DNM1: variants seen among roughly 807,000 people sequenced by gnomAD.
The protein encoded by DNM1 is dynamin-1.
In DNM1, 29 loss-of-function variants were observed where a neutral mutation model predicts 104.6. That is an observed-to-expected ratio of 0.28 (90% CI 0.21 to 0.38). The LOEUF is 0.38. Among genes scored for constraint, DNM1 ranks in the 10% least tolerant of loss-of-function variants. The pLI is 1.00. For missense variants in DNM1, 640 were observed against 1,189.4 expected, an observed-to-expected ratio of 0.54 and a Z score of 6.79; for synonymous variants, 445 against 475.8, an observed-to-expected ratio of 0.94 and a Z score of 0.84.
In DNM1 at chr9:128,224,204, G is replaced by C. The variant is rs201706880; in HGVS notation, c.1197-47G>C. 8 of 1,579,716 alleles carry C rather than the reference G, an allele frequency of 5.1e-6. No homozygotes were observed. Among genetic ancestry groups the C allele is most frequent in the South Asian group, 3.5e-5 (3 of 85,102 alleles). On this transcript the variant is annotated intron_variant, in intron 9 of 21. Coordinates refer to ENST00000372923, the MANE Select transcript of DNM1 (RefSeq NM_004408.4). This position sits in a 1 kb window ranked among gnomAD's most constrained non-coding sequence, Gnocchi z 4.3. ...GAGCCTCGGCCTGGCCCTCCTGGCC[G>C]GCACTGGCCTGTGACACTCTGCCCT...
intron 15 of DNM1, among the ~76,000 whole-genome samples, 197 bp downstream of exon 15, chr9:128,242,542 C>T (rs1166676118): frequency 6.6e-6 from 1 of 152,096 alleles, no homozygotes; most frequent in East Asian, 1.9e-4. Context: ...GGTGGATCAC[C>T]TGCGGTCAGG....
chr9:128,242,884 G>A (rs924945241), intron 15 of DNM1, among the ~76,000 whole-genome samples: 1 of 151,940 alleles, frequency 6.6e-6, no homozygotes, highest in African/African-American at 2.4e-5. Flanking sequence ...GGACTGAGGA[G>A]CCTGGGGCTA....
chr9:128,246,163 C>T lies in DNM1; in HGVS notation c.1672-231C>T, dbSNP rs150315228. Reference sequence around the variant, plus strand: ...CCACTCTCAGCCTCCCCACCCCTCACCAGCCCCCTGGCCCCCGGCATATAT... The same window carrying T: ...CCACTCTCAGCCTCCCCACCCCTCATCAGCCCCCTGGCCCCCGGCATATAT... On this transcript the variant is annotated intron_variant, in intron 15 of 21. Coordinates refer to ENST00000372923, the MANE Select transcript of DNM1 (RefSeq NM_004408.4). Among the ~76,000 whole-genome samples the T allele has an allele frequency of 1.8e-3, 272 of 152,284 alleles. 3 individuals carry two copies. The highest frequency in any genetic ancestry group is 6.2e-3 in the African/African-American group (257 of 41,548).
intron 10 of DNM1, among the ~76,000 whole-genome samples, chr9:128,231,827 G>A (rs939016141): frequency 1.3e-5 from 2 of 152,170 alleles, no homozygotes; most frequent in Non-Finnish European, 2.9e-5. Flanking sequence ...GCCCAGAGAG[G>A]TCTGGTCATT....
At position 128,248,793 on chromosome 9, in the gene DNM1, C is replaced by T. The variant is rs1194792107; in HGVS notation, c.2076+40C>T. On this transcript the variant is annotated intron_variant, in intron 19 of 21. Coordinates refer to ENST00000372923, the MANE Select transcript of DNM1 (RefSeq NM_004408.4). The surrounding 1 kb of genome is among the most constrained non-coding windows in gnomAD (Gnocchi z 5.6). ...GCATGGGGGCAGGGAAATCCTGTGGCACTGGGGATGCAGGTGGCCATGTTG... is the reference window on the plus strand; with the variant it reads ...GCATGGGGGCAGGGAAATCCTGTGGTACTGGGGATGCAGGTGGCCATGTTG... The T allele has an allele frequency of 3.8e-6, 6 of 1,594,624 alleles. No individual in the cohort carries two copies. Among genetic ancestry groups the T allele is most frequent in the Non-Finnish European group, 5.1e-6 (6 of 1,165,764 alleles).
At chr9:128,234,607 C>T (rs1381509621) in intron 11 of DNM1, among the ~76,000 whole-genome samples, 1 of 152,182 alleles carries the variant, frequency 6.6e-6, no homozygotes, top group African/African-American at 2.4e-5. Flanking sequence ...CTCCTGACCT[C>T]AAGTGATCTG....
intron 1 of DNM1, among the ~76,000 whole-genome samples, chr9:128,209,744 A>G (rs1463080741): frequency 3.3e-5 from 5 of 152,160 alleles, no homozygotes; most frequent in Admixed American, 3.3e-4. Context: ...CCAGCTCCAG[A>G]AAGGACCCAC....
chr9:128,217,690 T>A (rs2131146061), intron 1 of DNM1, among the ~76,000 whole-genome samples: 1 of 152,326 alleles, frequency 6.6e-6, no homozygotes, highest in East Asian at 1.9e-4. Flanking sequence ...GTGCTGGGAT[T>A]ACAGGCGTGA....
In DNM1 at chr9:128,234,034, C is replaced by G; in HGVS notation, c.1349C>G (p.Pro450Arg). Residue 450 changes from proline (P) to arginine (R), a missense_variant, in exon 11 of 22, where the codon CCG (proline) becomes CGG (arginine). Pro to Arg is a moderately radical substitution (Grantham distance 103). This residue lies in a region of DNM1 where 92 missense variants were observed against 124.4 expected (regional missense o/e 0.74). Coordinates refer to ENST00000372923, the MANE Select transcript of DNM1 (RefSeq NM_004408.4). ...RQCTKKLQQY[P>R]RLREEMERIV... ...GCCCTTCCCCAGCTCCAGCAGTACC[C>G]GCGGCTACGGGAGGAGATGGAGCGC... is the stretch of plus-strand genomic sequence containing the variant. 1 of 1,571,050 alleles carries G rather than the reference C, an allele frequency of 6.4e-7. No individual in the cohort carries two copies.
chr9:128,233,924 C>G (rs1835848084), intron 10 of DNM1, 97 bp from the exon 11 acceptor site: 2 of 1,124,178 alleles, frequency 1.8e-6, no homozygotes, highest in Non-Finnish European at 2.6e-6. Context: ...TGTGTGCCTC[C>G]CACCCTGCGC....
intron 10 of DNM1, among the ~76,000 whole-genome samples, chr9:128,230,807 T>G (rs1028526855): frequency 6.6e-6 from 1 of 151,240 alleles, no homozygotes; most frequent in African/African-American, 2.4e-5. Context: ...GTGTGATTTC[T>G]TTTTCTTTTT....
Position 128,254,531 on chromosome 9 carries a change from C to T in DNM1, c.2535-123C>T, listed in dbSNP as rs2131313194. On this transcript the variant is annotated intron_variant, in intron 21 of 21. Coordinates refer to ENST00000372923, the MANE Select transcript of DNM1 (RefSeq NM_004408.4). This position sits in a 1 kb window ranked among gnomAD's most constrained non-coding sequence, Gnocchi z 6.1. Reference sequence around the variant, plus strand: ...TGCCACACCCACACCTGCAGCCTCCCCTCCCCGGCCCTCCCACCACTGCTG... The same window carrying T: ...TGCCACACCCACACCTGCAGCCTCCTCTCCCCGGCCCTCCCACCACTGCTG... 3 of 1,560,490 alleles carry T rather than the reference C, an allele frequency of 1.9e-6. No individual in the cohort carries two copies. The highest frequency in any genetic ancestry group is 2.7e-5 in the African/African-American group (2 of 73,778).
At position 128,245,769 on chromosome 9, in the gene DNM1, G is replaced by A. The variant is rs549922936; in HGVS notation, c.1672-625G>A. Among the ~76,000 whole-genome samples, 28 of 152,278 alleles carry A rather than the reference G, an allele frequency of 1.8e-4. No individual in the cohort carries two copies. The highest frequency in any genetic ancestry group is 6.5e-4 in the African/African-American group (27 of 41,550). The stretch of plus-strand genomic sequence containing the variant: ...ACTGAGATGCAGACACGCTGACACC[G>A]ACACATGGTTCATGCTGGGCACCTC... On this transcript the variant is annotated intron_variant, in intron 15 of 21. Transcript: ENST00000372923. This position sits in a 1 kb window ranked among gnomAD's most constrained non-coding sequence, Gnocchi z 5.2.
chr9:128,249,610 T>C (rs1048762575), intron 19 of DNM1, among the ~76,000 whole-genome samples: 9 of 151,206 alleles, frequency 6.0e-5, no homozygotes, highest in African/African-American at 2.0e-4. Context: ...GAGCTGAGAT[T>C]GTGCCATTAC....
chr9:128,221,008 TTCCTTCC>T (rs1431289416), intron 6 of DNM1: 2 of 148,596 alleles, frequency 1.3e-5, no homozygotes, highest in African/African-American at 5.1e-5. Flanking sequence ...CCTTCCTTCC[TTCCTTCC>T]TTTCTTTCTC....
At position 128,240,363 on chromosome 9, in the gene DNM1, G is replaced by A. The variant is rs766336736; in HGVS notation, c.1557+367G>A. ...CGCCTCCGGACTTGAATGAAGAGAC[G>A]AATGAGAAGTCAAGAGAAGTCAAGA... On this transcript the variant is annotated intron_variant, in intron 14 of 21. Transcript: ENST00000372923. This position sits in a 1 kb window ranked among gnomAD's most constrained non-coding sequence, Gnocchi z 5.1. 2 of 273,936 alleles carry A rather than the reference G, an allele frequency of 7.3e-6. No homozygotes were observed. Among genetic ancestry groups the A allele is most frequent in the Middle Eastern group, 1.2e-3 (1 of 808 alleles). The allele number at this position is 273,936 out of a possible 1,614,324, so 17.0% of individuals were successfully genotyped here. A position where few individuals can be genotyped will look rare whatever the true frequency, so the allele number is the denominator to read the frequency against.
Position 128,246,514 on chromosome 9 carries a change from G to C in DNM1, c.1781+11G>C. On this transcript the variant is annotated intron_variant, in intron 16 of 21. Coordinates refer to ENST00000372923, the MANE Select transcript of DNM1 (RefSeq NM_004408.4). Reference sequence around the variant, plus strand: ...TAACACGGAGCAGAGGTGCCTGCCTGCCCCTGGCTGTGGCTGCTGCAGCCC... The same window carrying C: ...TAACACGGAGCAGAGGTGCCTGCCTCCCCCTGGCTGTGGCTGCTGCAGCCC... 1 of 1,606,674 alleles carries C rather than the reference G, an allele frequency of 6.2e-7. No individual in the cohort carries two copies. Among genetic ancestry groups the C allele is most frequent in the Non-Finnish European group, 8.5e-7 (1 of 1,173,458 alleles).
At chr9:128,241,729 G>A (rs1836378163) in intron 14 of DNM1, among the ~76,000 whole-genome samples, 1 of 152,156 alleles carries the variant, frequency 6.6e-6, no homozygotes, top group African/African-American at 2.4e-5. Flanking sequence ...GATTTATACT[G>A]GGGGACAGGA....
Position 128,248,804 on chromosome 9 carries a change from C to G in DNM1, c.2076+51C>G, listed in dbSNP as rs1164315220. ...GGGAAATCCTGTGGCACTGGGGATG[C>G]AGGTGGCCATGTTGGCCTGGGGGAG... On this transcript the variant is annotated intron_variant, in intron 19 of 21. Coordinates refer to ENST00000372923, the MANE Select transcript of DNM1 (RefSeq NM_004408.4). The surrounding 1 kb of genome is among the most constrained non-coding windows in gnomAD (Gnocchi z 5.6). 2 of 1,586,114 alleles carry G rather than the reference C, an allele frequency of 1.3e-6. No homozygotes were observed. Among genetic ancestry groups the G allele is most frequent in the Non-Finnish European group, 1.7e-6 (2 of 1,160,152 alleles).
Sources: allele counts gnomAD v4.1 joint callset (sites outside exome capture counted in the v4.1 genomes callset), GRCh38; gene constraint gnomAD v4.1.1; regional missense constraint gnomAD v4.1.1; non-coding constraint Gnocchi (gnomAD v3.1); transcripts MANE v1.5; gene names NCBI Gene and HGNC (gene_info 2026-07-23, HGNC 2026-07-21).